CHAT: variants seen among roughly 807,000 people sequenced by gnomAD.
CHAT encodes the protein choline O-acetyltransferase.
Under a neutral mutation model 76.9 loss-of-function variants are expected in CHAT, and 61 were observed. That is an observed-to-expected ratio of 0.79 (90% CI 0.65 to 0.98). CHAT has a LOEUF of 0.98. CHAT is among the 50% of genes least tolerant of loss of function. CHAT has a pLI of 0.00. For synonymous variants in CHAT, 407 were observed against 397.4 expected (o/e 1.02, Z -0.29); for missense variants, 946 against 986.9 (o/e 0.96, Z 0.56).
Position 49,627,558 on chromosome 10 carries a change from G to C in CHAT, c.934-50G>C, listed in dbSNP as rs943319153. 2.5e-6 allele frequency: 4 copies of C among 1,593,336 alleles called. No individual in the cohort carries two copies. In the African/African-American group the frequency reaches 5.4e-5, roughly 21 times the overall value. On this transcript the variant is annotated intron_variant, in intron 6 of 14. Transcript: ENST00000337653. ...CCTGTGAAGGCTGAGTGAAGGCCTG[G>C]TGCCACGGGCCACCCAACAAGTGAC...
At position 49,614,112 on chromosome 10, in the gene CHAT, C is replaced by A. The variant is rs986155946; in HGVS notation, c.-78C>A. The A allele has an allele frequency of 1.3e-6, 2 of 1,543,468 alleles. No homozygotes were observed. Among genetic ancestry groups the A allele is most frequent in the Non-Finnish European group, 8.7e-7 (1 of 1,146,074 alleles). ...CCTTCTAGAGCCTAAATTTGTTGCCCGAGTTCCTCCGGGAAGCGCTCCGGG... is the reference window on the plus strand; with the variant it reads ...CCTTCTAGAGCCTAAATTTGTTGCCAGAGTTCCTCCGGGAAGCGCTCCGGG... On this transcript the variant is annotated 5_prime_UTR_variant, in exon 1 of 15. Transcript: ENST00000337653.
At position 49,614,388 on chromosome 10, in the gene CHAT, C is replaced by A; in HGVS notation, c.199C>A (p.Pro67Thr). ...CSPHPRAATR[P>T]PPLPAHTPAH... ...CCCCCACCCCCGCGCTGCGACACGC[C>A]CCCCACCCCTTCCGGCTCACACCCC... is the stretch of plus-strand genomic sequence containing the variant. Residue 67 changes from proline to threonine, a missense_variant, in exon 1 of 15, where the codon CCC (proline) becomes ACC (threonine). By Grantham distance (38) the Pro-to-Thr change is conservative (BLOSUM62 -1). Transcript: ENST00000337653. 6.5e-7 allele frequency: 1 copy of A among 1,545,868 alleles called. No individual in the cohort carries two copies. Among genetic ancestry groups the A allele is most frequent in the Non-Finnish European group, 8.7e-7 (1 of 1,145,338 alleles).
chr10:49,649,751 T>A (rs998926214), intron 10 of CHAT, 115 bp downstream of exon 10: 46 of 1,118,892 alleles, frequency 4.1e-5, no homozygotes, highest in Non-Finnish European at 5.7e-5. Flanking sequence ...CTGCCTCTCC[T>A]TGGGCTCCAC....
chr10:49,659,840 T>A (rs1840139257), intron 13 of CHAT, among the ~76,000 whole-genome samples: 1 of 151,692 alleles, frequency 6.6e-6, no homozygotes, highest in Non-Finnish European at 1.5e-5. Context: ...CCAGCCTGGG[T>A]GAAAGAGCAA....
At chr10:49,639,475 GAAA>G (rs36136241) in intron 7 of CHAT, among the ~76,000 whole-genome samples, 2 of 148,150 alleles carry the variant, frequency 1.3e-5, no homozygotes, top group African/African-American at 5.0e-5. Context: ...TTTCTGATAA[GAAA>G]AAAAAAATCT....
chr10:49,649,036 C>T (rs79364988), intron 9 of CHAT, among the ~76,000 whole-genome samples: 3,848 of 152,290 alleles, frequency 0.025, 173 homozygotes, highest in African/African-American at 0.087. Context: ...CCTCTGTGCC[C>T]TAAACACATG....
At chr10:49,611,464 C>T, upstream of CHAT, 1 of 1,598,940 alleles carries the variant, frequency 6.3e-7, no homozygotes, top group African/African-American at 1.3e-5. Flanking sequence ...CGCCGGCAAG[C>T]GCGTGCCCTT....
intron 13 of CHAT, among the ~76,000 whole-genome samples, chr10:49,660,942 T>C (rs1840174901): frequency 6.6e-6 from 1 of 152,184 alleles, no homozygotes; most frequent in Non-Finnish European, 1.5e-5. Flanking sequence ...AATGGCAAGG[T>C]GGTCCAGAGC....
intron 7 of CHAT, among the ~76,000 whole-genome samples, chr10:49,629,621 G>A (rs925008253): frequency 1.3e-5 from 2 of 152,272 alleles, no homozygotes; most frequent in East Asian, 3.8e-4. Context: ...TTGCCCCAAG[G>A]TCTGAGCACT....
intron 7 of CHAT, 107 bp downstream of exon 7, chr10:49,627,892 T>C (rs1838982251): frequency 7.4e-7 from 1 of 1,345,448 alleles, no homozygotes; most frequent in Non-Finnish European, 1.0e-6. Context: ...AGCCATAGTG[T>C]GGGAGCTCAG....
chr10:49,612,042 C>A, upstream of CHAT: 2 of 1,613,768 alleles, frequency 1.2e-6, no homozygotes, highest in South Asian at 1.1e-5. Context: ...CCTACGCGCT[C>A]GGGCCCATAG....
chr10:49,611,381 T>C, upstream of CHAT: 3 of 1,599,382 alleles, frequency 1.9e-6, no homozygotes, highest in Non-Finnish European at 2.5e-6. Context: ...AGTCGTGCAC[T>C]GGGCGTGGCG....
intron 7 of CHAT, among the ~76,000 whole-genome samples, chr10:49,642,722 G>A (rs1839526476): frequency 6.6e-6 from 1 of 152,268 alleles, no homozygotes; most frequent in African/African-American, 2.4e-5. Flanking sequence ...CTTTGGGGCT[G>A]TTTTTAAGGA....
Position 49,663,394 on chromosome 10 carries a change from T to C in CHAT, c.1977+612T>C, listed in dbSNP as rs536863247. 2.6e-5 allele frequency among the ~76,000 whole-genome samples: 4 copies of C among 152,336 alleles called. No homozygotes were observed. The East Asian group carries it at 7.7e-4, about 29-fold the overall frequency. ...CTATTGCCGCGGTTTCCACGGGCTC[T>C]GATGCCCAGCAGGTCTGCAGTGAAG... On this transcript the variant is annotated intron_variant, in intron 14 of 14. Transcript: ENST00000337653.
rs1407532296 is a variant in CHAT at position 49,654,198 on chromosome 10, CAG to C, written c.1635-894_1635-893del. 4.6e-5 allele frequency among the ~76,000 whole-genome samples: 7 copies of C among 152,196 alleles called. 1 individual carries two copies. The South Asian group carries it at 8.3e-4, about 18-fold the overall frequency. On this transcript the variant is annotated intron_variant, in intron 11 of 14. Transcript: ENST00000337653. Reference sequence around the variant, plus strand: ...TTGCCAGAGTCTTGGGGAAATATGTCAGAGTGTACAGGAAGGTCATTCCCTTG... The same window carrying C: ...TTGCCAGAGTCTTGGGGAAATATGTCAGTGTACAGGAAGGTCATTCCCTTG...
At chr10:49,612,127 G>T, upstream of CHAT, 1 of 1,612,470 alleles carries the variant, frequency 6.2e-7, no homozygotes, top group Non-Finnish European at 8.5e-7. Context: ...CCTGCTCTAT[G>T]CTCCCGTCTT....
chr10:49,628,775 G>A (rs1839012473), intron 7 of CHAT, among the ~76,000 whole-genome samples: 1 of 152,256 alleles, frequency 6.6e-6, no homozygotes, highest in Non-Finnish European at 1.5e-5. Flanking sequence ...AGGCTGGAGG[G>A]AAGGATGGTA....
At chr10:49,648,840 A>G (rs1357417511) in intron 9 of CHAT, among the ~76,000 whole-genome samples, 1 of 152,152 alleles carries the variant, frequency 6.6e-6, no homozygotes, top group Non-Finnish European at 1.5e-5. Context: ...TACGGCAGTC[A>G]GGGAGAAGCA....
At chr10:49,614,612 C>A in intron 1 of CHAT, 137 bp downstream of exon 1, 1 of 791,600 alleles carries the variant, frequency 1.3e-6, no homozygotes. Context: ...TGCGCAGCAG[C>A]GGCCGTCGGG....
Sources: gnomAD v4.1 joint callset for allele counts (sites outside exome capture counted in the v4.1 genomes callset) on GRCh38, gnomAD v4.1.1 for gene constraint, MANE v1.5 for transcripts, NCBI Gene and HGNC (gene_info 2026-07-23, HGNC 2026-07-21) for gene names.